MDM2: variants seen among roughly 807,000 people sequenced by gnomAD.
The protein encoded by MDM2 is MDM2 proto-oncogene, also known as E3 ubiquitin-protein ligase Mdm2.
In MDM2, 11 loss-of-function variants were observed where a neutral mutation model predicts 64.3. That is an observed-to-expected ratio of 0.17 (90% CI 0.11 to 0.28). The LOEUF (loss-of-function observed/expected upper bound fraction) is 0.28, where lower values mean the gene tolerates loss of function less well. Ranked by LOEUF, MDM2 falls within the 10% of genes least tolerant of loss-of-function variation. The pLI is 1.00. For missense variants in MDM2, 388 were observed against 577.1 expected, an observed-to-expected ratio of 0.67 and a Z score of 3.36; for synonymous variants, 194 against 192.9, an observed-to-expected ratio of 1.01 and a Z score of -0.05.
chr12:68,824,148 T>C, intron 5 of MDM2: 1 of 521,156 alleles, frequency 1.9e-6, no homozygotes. Flanking sequence ...TTTAATGTCT[T>C]GATTATACTT....
intron 2 of MDM2, among the ~76,000 whole-genome samples, chr12:68,810,309 TAA>T (rs149695813): frequency 5.1e-4 from 71 of 140,472 alleles, no homozygotes; most frequent in Admixed American, 7.0e-4. Context: ...AAACTCCGTC[TAA>T]AAAAAAAAAA....
intron 4 of MDM2, among the ~76,000 whole-genome samples, chr12:68,818,662 C>T (rs1881594691): frequency 2.7e-5 from 4 of 149,574 alleles, no homozygotes; most frequent in South Asian, 2.1e-4. Context: ...TCATTTTATA[C>T]GTGGCCTTGG....
At chr12:68,825,925 T>TG (rs1223312122) in intron 7 of MDM2, among the ~76,000 whole-genome samples, 2 of 152,210 alleles carry the variant, frequency 1.3e-5, no homozygotes, top group Non-Finnish European at 2.9e-5. Context: ...AAGTTAGATC[T>TG]GTACCTTATG....
Position 68,844,281 on chromosome 12 carries a change from AT to A in MDM2, c.*4433del. The A allele has an allele frequency of 4.5e-6, 1 of 219,820 alleles. No individual in the cohort carries two copies. Among genetic ancestry groups the A allele is most frequent in the Non-Finnish European group, 9.1e-6 (1 of 109,712 alleles). The allele number at this position is 219,820 out of a possible 1,614,324, so 13.6% of individuals were successfully genotyped here. A position where few individuals can be genotyped will look rare whatever the true frequency, so the allele number is the denominator to read the frequency against. On this transcript the variant is annotated 3_prime_UTR_variant, in exon 11 of 11. Transcript: ENST00000258149. ...TGGGTAACAAAAGGCACAAGTCTGA[AT>A]GTGTTTCTTTTTCTGGAATGGCCAT...
At chr12:68,817,289 A>G (rs1015581085) in intron 4 of MDM2, among the ~76,000 whole-genome samples, 2 of 152,372 alleles carry the variant, frequency 1.3e-5, no homozygotes, top group Middle Eastern at 3.4e-3. Context: ...TTTTGGGCAC[A>G]TACAAAGCAT....
intron 10 of MDM2, among the ~76,000 whole-genome samples, chr12:68,836,955 C>CTTT (rs35125243): frequency 7.3e-6 from 1 of 136,728 alleles, no homozygotes; most frequent in African/African-American, 2.7e-5. Flanking sequence ...GGAATTTGAA[C>CTTT]TTTTTTTTTT....
At chr12:68,832,047 G>A (rs573439253) in intron 8 of MDM2, among the ~76,000 whole-genome samples, 10 of 152,326 alleles carry the variant, frequency 6.6e-5, no homozygotes, top group African/African-American at 2.2e-4. Context: ...TGCAGCCTGG[G>A]CAACGAGAAC....
Position 68,813,646 on chromosome 12 carries a change from A to G in MDM2, c.174+18A>G, listed in dbSNP as rs772598655. The G allele has an allele frequency of 3.8e-6, 6 of 1,574,370 alleles. No homozygotes were observed. The highest frequency in any genetic ancestry group is 4.5e-5 in the East Asian group (2 of 44,616). On this transcript the variant is annotated intron_variant, in intron 3 of 10. Coordinates refer to ENST00000258149, the MANE Select transcript of MDM2 (RefSeq NM_002392.6). Reference sequence around the variant, plus strand: ...TGAAAGAGGTAAGCTGAATCAAGAGATAAGTAGTATCTCACTAGTTACATG... The same window carrying G: ...TGAAAGAGGTAAGCTGAATCAAGAGGTAAGTAGTATCTCACTAGTTACATG...
rs961536902 is a variant in MDM2, at chr12:68,842,769, T to C, written c.*2920T>C. On this transcript the variant is annotated 3_prime_UTR_variant, in exon 11 of 11. Coordinates refer to ENST00000258149, the MANE Select transcript of MDM2 (RefSeq NM_002392.6). The stretch of plus-strand genomic sequence containing the variant: ...GGGAGGATATAAGGAACCAACAGTT[T>C]GTATGAAAATAGCTCAAATAATATC... The C allele has an allele frequency of 4.2e-5, 8 of 192,558 alleles. No homozygotes were observed. The highest frequency in any genetic ancestry group is 7.6e-5 in the Non-Finnish European group (7 of 91,934). The allele number at this position is 192,558 out of a possible 1,614,324, so 11.9% of individuals were successfully genotyped here.
At chr12:68,835,068 A>C (rs1222554891) in intron 8 of MDM2, among the ~76,000 whole-genome samples, 1 of 152,206 alleles carries the variant, frequency 6.6e-6, no homozygotes, top group African/African-American at 2.4e-5. Flanking sequence ...AAGAAAAAAA[A>C]CCCATAAGTA....
chr12:68,833,149 A>AAAAAAATATAT (rs1555187768), intron 8 of MDM2, among the ~76,000 whole-genome samples: 2 of 65,960 alleles, frequency 3.0e-5, no homozygotes, highest in African/African-American at 1.2e-4. Context: ...AAAAAAAAAA[A>AAAAAAATATAT]ATATATATAT....
chr12:68,811,238 A>T (rs953614609), intron 2 of MDM2, among the ~76,000 whole-genome samples: 1 of 152,104 alleles, frequency 6.6e-6, no homozygotes, highest in African/African-American at 2.4e-5. Flanking sequence ...TTAGTTTTTT[A>T]AAATTTTTCT....
rs753483638 is a variant in MDM2, at chr12:68,824,462, ATAT to A, written c.426+37_426+39del. The A allele has an allele frequency of 8.7e-6, 14 of 1,603,166 alleles. No individual in the cohort carries two copies. The African/African-American group carries it at 1.7e-4, about 20-fold the overall frequency. ...TAAGTAAATTTCTCATTCTAATGTAATATTATTTGCAAATTGGAAAGGTTATTT... is the reference window on the plus strand; with the variant it reads ...TAAGTAAATTTCTCATTCTAATGTAATATTTGCAAATTGGAAAGGTTATTT... On this transcript the variant is annotated intron_variant, in intron 6 of 10. Coordinates refer to ENST00000258149, the MANE Select transcript of MDM2 (RefSeq NM_002392.6).
intron 8 of MDM2, among the ~76,000 whole-genome samples, chr12:68,833,287 A>ATG: frequency 9.1e-6 from 1 of 110,070 alleles, no homozygotes; most frequent in African/African-American, 3.5e-5. Flanking sequence ...ATAAATATAA[A>ATG]TATATATATT....
At position 68,842,249 on chromosome 12, in the gene MDM2, A is replaced by C. The variant is rs1883829768; in HGVS notation, c.*2400A>C. ...ATATTTATAATGAACAAATTCAAGA[A>C]AAAGGACTACGGAAAGTTCAGGACA... is the stretch of plus-strand genomic sequence containing the variant. On this transcript the variant is annotated 3_prime_UTR_variant, in exon 11 of 11. Coordinates refer to ENST00000258149, the MANE Select transcript of MDM2 (RefSeq NM_002392.6). 2.0e-6 allele frequency: 1 copy of C among 497,746 alleles called. No homozygotes were observed. The highest frequency in any genetic ancestry group is 1.9e-5 in the African/African-American group (1 of 51,726). 30.8% of individuals were successfully genotyped at this position (497,746 alleles called of 1,614,324 possible).
chr12:68,816,788 T>C, intron 3 of MDM2, 24 bp from the exon 4 acceptor site: 1 of 1,558,136 alleles, frequency 6.4e-7, no homozygotes, highest in Non-Finnish European at 8.7e-7. Context: ...TCTTTAATGC[T>C]CAGAAATCAT....
At chr12:68,825,654 A>C (rs1882253186) in intron 7 of MDM2, among the ~76,000 whole-genome samples, 1 of 147,834 alleles carries the variant, frequency 6.8e-6, no homozygotes, top group Non-Finnish European at 1.5e-5. Flanking sequence ...TGTCTAAAAA[A>C]AAGAGAGAGA....
intron 5 of MDM2, among the ~76,000 whole-genome samples, chr12:68,821,044 CTTTTTTTTTT>C (rs36054804): frequency 1.4e-4 from 15 of 103,820 alleles, no homozygotes; most frequent in Non-Finnish European, 2.6e-4. Flanking sequence ...ACACAGTTTG[CTTTTTTTTTT>C]TTTTTTTTTT....
intron 10 of MDM2, among the ~76,000 whole-genome samples, chr12:68,837,721 T>C (rs1031213276): frequency 2.0e-5 from 3 of 152,216 alleles, no homozygotes; most frequent in African/African-American, 7.2e-5. Flanking sequence ...TTAAAGAAAT[T>C]AACACTTAAA....
Sources: gnomAD v4.1 joint callset for allele counts (sites outside exome capture counted in the v4.1 genomes callset) on GRCh38, gnomAD v4.1.1 for gene constraint, MANE v1.5 for transcripts, NCBI Gene and HGNC (gene_info 2026-07-23, HGNC 2026-07-21) for gene names.